PPP2R5C: variants seen among roughly 807,000 people sequenced by gnomAD.
PPP2R5C encodes serine/threonine-protein phosphatase 2A 56 kDa regulatory subunit gamma isoform.
In PPP2R5C, 7 loss-of-function variants were observed where a neutral mutation model predicts 68.9. That is an observed-to-expected ratio of 0.10 (90% confidence interval 0.06 to 0.19). PPP2R5C has a LOEUF of 0.19. PPP2R5C is among the 10% of genes least tolerant of loss of function. PPP2R5C has a pLI of 1.00. For missense variants in PPP2R5C, 348 were observed against 641.3 expected (o/e 0.54, Z 4.94); for synonymous variants, 210 against 222.2 (o/e 0.95, Z 0.49).
chr14:101,786,507 G>T (rs976060584), intron 3 of PPP2R5C, among the ~76,000 whole-genome samples: 1 of 152,042 alleles, frequency 6.6e-6, no homozygotes, highest in African/African-American at 2.4e-5. Context: ...TCATTTGTTT[G>T]TCTTAGAACT....
chr14:101,777,117 G>C (rs1243333501), intron 2 of PPP2R5C, among the ~76,000 whole-genome samples: 1 of 151,984 alleles, frequency 6.6e-6, no homozygotes, highest in African/African-American at 2.4e-5. Context: ...CTGACCTCGT[G>C]ATCCGCCCGC....
intron 7 of PPP2R5C, among the ~76,000 whole-genome samples, chr14:101,893,904 C>T (rs2045131107): frequency 6.6e-6 from 1 of 152,226 alleles, no homozygotes; most frequent in Admixed American, 6.5e-5. Context: ...CAGTGGGCGT[C>T]TTTGTTCACT....
chr14:101,872,220 T>A (rs1299672852), intron 2 of PPP2R5C, among the ~76,000 whole-genome samples: 2 of 59,472 alleles, frequency 3.4e-5, no homozygotes, highest in South Asian at 4.7e-4. Flanking sequence ...TTCTTTTGCC[T>A]TTTTTTTTTT....
intron 3 of PPP2R5C, among the ~76,000 whole-genome samples, chr14:101,787,831 T>C (rs2038189658): frequency 6.6e-6 from 1 of 152,090 alleles, no homozygotes; most frequent in African/African-American, 2.4e-5. Context: ...ATTTGGCTTA[T>C]ATTTGGTTTA....
chr14:101,923,160 T>TC (rs2047106904), intron 13 of PPP2R5C, among the ~76,000 whole-genome samples: 1 of 152,220 alleles, frequency 6.6e-6, no homozygotes, highest in Non-Finnish European at 1.5e-5. Context: ...GCTGCTGCTC[T>TC]CATTTTTTTG....
At chr14:101,827,750 G>A (rs2040483224) in intron 1 of PPP2R5C, among the ~76,000 whole-genome samples, 1 of 152,134 alleles carries the variant, frequency 6.6e-6, no homozygotes, top group African/African-American at 2.4e-5. Flanking sequence ...GCTAAGGAGG[G>A]CACCCCAGAC....
upstream of PPP2R5C, among the ~76,000 whole-genome samples, chr14:101,807,500 C>G (rs1005102860): frequency 6.6e-6 from 1 of 152,122 alleles, no homozygotes; most frequent in African/African-American, 2.4e-5. Flanking sequence ...AAAATAGAGG[C>G]CCACCTGAAT....
chr14:101,874,598 G>A (rs1485368047), intron 2 of PPP2R5C, among the ~76,000 whole-genome samples: 1 of 152,126 alleles, frequency 6.6e-6, no homozygotes, highest in Non-Finnish European at 1.5e-5. Flanking sequence ...ATAAACTCAT[G>A]CACATAACTG....
chr14:101,808,700 G>C (rs79413212), upstream of PPP2R5C, among the ~76,000 whole-genome samples: 218 of 152,282 alleles, frequency 1.4e-3, no homozygotes, highest in Middle Eastern at 0.017. Context: ...CTTCACAAGT[G>C]GGGGGAAGAG....
At chr14:101,785,238 G>A (rs1173757861) in intron 2 of PPP2R5C, among the ~76,000 whole-genome samples, 1 of 152,136 alleles carries the variant, frequency 6.6e-6, no homozygotes, top group East Asian at 1.9e-4. Context: ...GGAACACCTA[G>A]CATTTTGTGA....
At chr14:101,809,126 G>C (rs184001515), upstream of PPP2R5C, among the ~76,000 whole-genome samples, 1 of 152,178 alleles carries the variant, frequency 6.6e-6, no homozygotes, top group Non-Finnish European at 1.5e-5. Context: ...AAATAAACAT[G>C]CTCCATTTCA....
intron 2 of PPP2R5C, among the ~76,000 whole-genome samples, chr14:101,866,666 T>A (rs948148571): frequency 6.6e-6 from 1 of 151,930 alleles, no homozygotes; most frequent in African/African-American, 2.4e-5. Context: ...CAAGACTCCG[T>A]CTCAAAAAAA....
intron 1 of PPP2R5C, among the ~76,000 whole-genome samples, chr14:101,852,688 T>C (rs1287993200): frequency 6.6e-6 from 1 of 152,046 alleles, no homozygotes; most frequent in Non-Finnish European, 1.5e-5. Context: ...GCTAGGCTAG[T>C]CTCGAACTCC....
intron 13 of PPP2R5C, among the ~76,000 whole-genome samples, chr14:101,922,530 G>A (rs2047068740): frequency 6.7e-6 from 1 of 150,288 alleles, no homozygotes. Context: ...AAGAAATTTG[G>A]TGGCTGGGCA....
chr14:101,776,881 CTT>C (rs1302841711), intron 2 of PPP2R5C, among the ~76,000 whole-genome samples: 16 of 140,228 alleles, frequency 1.1e-4, no homozygotes, highest in Non-Finnish European at 1.6e-4. Flanking sequence ...ACCTCATTCC[CTT>C]TTTTTTTTTT....
chr14:101,772,517 G>C lies in PPP2R5C; in HGVS notation c.93+9547G>C, dbSNP rs921846279. 1.1e-4 allele frequency among the ~76,000 whole-genome samples: 16 copies of C among 152,278 alleles called. No homozygotes were observed. In the South Asian group the frequency reaches 1.5e-3, roughly 14 times the overall value. On this transcript the variant is annotated intron_variant, in intron 2 of 14. Coordinates refer to the PPP2R5C transcript ENST00000328724. ...GGTTAAAAAATAAAGTAATGCGGCT[G>C]GGTGCAGTGGCTCACGCCTGTAATC...
At chr14:101,836,395 T>C (rs1022706657) in intron 1 of PPP2R5C, 1 of 702,014 alleles carries the variant, frequency 1.4e-6, no homozygotes, top group Admixed American at 2.0e-5. Flanking sequence ...CCTGCCAACC[T>C]TAGCCTAAAA....
chr14:101,761,729 C>T, upstream of PPP2R5C: 1 of 972,016 alleles, frequency 1.0e-6, no homozygotes, highest in Non-Finnish European at 1.2e-6. Flanking sequence ...CTGCCGCAGC[C>T]TCTGGGAGTC....
At chr14:101,844,912 GT>G (rs2041729980) in intron 1 of PPP2R5C, among the ~76,000 whole-genome samples, 1 of 152,152 alleles carries the variant, frequency 6.6e-6, no homozygotes, top group Non-Finnish European at 1.5e-5. Flanking sequence ...TTAACATTCA[GT>G]ATTTCACCAG....
Sources: gnomAD v4.1 joint callset for allele counts (sites outside exome capture counted in the v4.1 genomes callset) on GRCh38, gnomAD v4.1.1 for gene constraint, MANE v1.5 for transcripts, NCBI Gene and HGNC (gene_info 2026-07-23, HGNC 2026-07-21) for gene names.